Variants in CRADD observed in about 807,000 individuals in gnomAD.
The protein encoded by CRADD is CARD and death domain containing adaptor protein.
CRADD carries 9 observed loss-of-function variants against 15.5 expected under a neutral mutation model. The ratio of observed to expected loss-of-function variants is 0.58; its 90% CI spans 0.35 to 1.01. The LOEUF is 1.01. CRADD is among the 50% of genes least tolerant of loss of function. The pLI is 0.02. For missense variants in CRADD, 227 were observed against 250.3 expected, an observed-to-expected ratio of 0.91 and a Z score of 0.63; for synonymous variants, 118 against 107.6, an observed-to-expected ratio of 1.10 and a Z score of -0.60.
chr12:93,679,562 G>A (rs959643774), intron 2 of CRADD, among the ~76,000 whole-genome samples: 1 of 152,208 alleles, frequency 6.6e-6, no homozygotes, highest in Non-Finnish European at 1.5e-5. Context: ...GGATCAGGAG[G>A]TGGCATTAGG....
chr12:93,807,981 C>CAAAAAAAA lies in CRADD; in HGVS notation c.299-41976_299-41969dup, dbSNP rs368104878. The stretch of plus-strand genomic sequence containing the variant: ...ATGTTAGAAGATGGTAAGTGTTATG[C>CAAAAAAAA]AAAAAAAAAAAAAAAAAAAAGTATA... On this transcript the variant is annotated intron_variant, in intron 2 of 2. Coordinates refer to ENST00000332896, the MANE Select transcript of CRADD (RefSeq NM_003805.5). Among the ~76,000 whole-genome samples, 20 of 67,728 alleles carry CAAAAAAAA rather than the reference C, an allele frequency of 3.0e-4. 2 individuals are homozygous for CAAAAAAAA. Among genetic ancestry groups the CAAAAAAAA allele is most frequent in the African/African-American group, 5.9e-4 (10 of 17,064 alleles). 44.4% of individuals were successfully genotyped at this position (67,728 alleles called of 152,430 possible).
intron 2 of CRADD, among the ~76,000 whole-genome samples, chr12:93,814,468 G>A (rs908762306): frequency 6.6e-6 from 1 of 152,172 alleles, no homozygotes; most frequent in Non-Finnish European, 1.5e-5. Context: ...TAACTTGTTC[G>A]AGGGATCTAA....
chr12:93,773,706 C>T (rs2131725), intron 2 of CRADD, among the ~76,000 whole-genome samples: 27 of 151,372 alleles, frequency 1.8e-4, no homozygotes, highest in Non-Finnish European at 3.7e-4. Flanking sequence ...TGGCAGGAGA[C>T]GGGAGAGAGT....
intron 2 of CRADD, among the ~76,000 whole-genome samples, chr12:93,886,706 CAA>C (rs1485872991): frequency 6.6e-6 from 1 of 152,164 alleles, no homozygotes; most frequent in African/African-American, 2.4e-5. Flanking sequence ...GGAACGAAAA[CAA>C]ACAATCCTAT....
chr12:93,713,521 G>GTATA (rs1956110733), intron 2 of CRADD, among the ~76,000 whole-genome samples: 2 of 151,986 alleles, frequency 1.3e-5, no homozygotes, highest in South Asian at 4.2e-4. Context: ...TCTACATACA[G>GTATA]CCTCCTGTAT....
intron 2 of CRADD, among the ~76,000 whole-genome samples, 170 bp downstream of exon 2, chr12:93,679,242 A>G (rs915636949): frequency 2.0e-5 from 3 of 152,150 alleles, no homozygotes; most frequent in African/African-American, 7.2e-5. Context: ...CCTGGGTTCA[A>G]GCAATTCACT....
Position 93,700,773 on chromosome 12 carries a change from T to G in CRADD, c.298+21701T>G, listed in dbSNP as rs372094178. Reference sequence around the variant, plus strand: ...GCTGTGCTGTTGGGTTTTGTTTGTTTGATTTTTGTTTTGCCTGAGTGTCTT... The same window carrying G: ...GCTGTGCTGTTGGGTTTTGTTTGTTGGATTTTTGTTTTGCCTGAGTGTCTT... On this transcript the variant is annotated intron_variant, in intron 2 of 2. Transcript: ENST00000332896. Among the ~76,000 whole-genome samples, 7 of 152,240 alleles carry G rather than the reference T, an allele frequency of 4.6e-5. No homozygotes were observed. The South Asian group carries it at 6.2e-4, about 14-fold the overall frequency.
intron 2 of CRADD, among the ~76,000 whole-genome samples, chr12:93,865,249 C>G (rs1373818538): frequency 6.6e-6 from 1 of 152,164 alleles, no homozygotes; most frequent in Non-Finnish European, 1.5e-5. Context: ...CTCCCCCAAC[C>G]CCTGCCTAGT....
chr12:93,736,253 C>A (rs902301806), intron 2 of CRADD, among the ~76,000 whole-genome samples: 4 of 152,112 alleles, frequency 2.6e-5, no homozygotes, highest in Admixed American at 2.0e-4. Context: ...TCAAAGCAAG[C>A]ATGATGCTGG....
At chr12:93,829,821 T>C (rs1033385714) in intron 2 of CRADD, among the ~76,000 whole-genome samples, 3 of 152,066 alleles carry the variant, frequency 2.0e-5, no homozygotes, top group African/African-American at 7.2e-5. Context: ...GGCTCCTGAG[T>C]AGCTGGGATT....
intron 2 of CRADD, among the ~76,000 whole-genome samples, chr12:93,857,116 C>A (rs1339235029): frequency 2.0e-5 from 3 of 150,304 alleles, no homozygotes; most frequent in Non-Finnish European, 4.4e-5. Flanking sequence ...CTATGAAATC[C>A]AGGTTTGAGC....
intron 2 of CRADD, among the ~76,000 whole-genome samples, chr12:93,842,226 G>A (rs1958057526): frequency 6.6e-6 from 1 of 152,164 alleles, no homozygotes; most frequent in Admixed American, 6.5e-5. Context: ...AATGCAAGGT[G>A]AAAACAGGAG....
chr12:93,779,925 C>T (rs950054529), intron 2 of CRADD, among the ~76,000 whole-genome samples: 1 of 152,066 alleles, frequency 6.6e-6, no homozygotes, highest in African/African-American at 2.4e-5. Flanking sequence ...TTTTGATGGG[C>T]TTGGATATTA....
chr12:93,764,744 T>G (rs1957008068), intron 2 of CRADD, among the ~76,000 whole-genome samples: 1 of 145,136 alleles, frequency 6.9e-6, no homozygotes, highest in South Asian at 2.2e-4. Flanking sequence ...TTTTTTTTTT[T>G]TGTCTACAGG....
intron 2 of CRADD, among the ~76,000 whole-genome samples, chr12:93,702,335 G>A (rs947188578): frequency 6.6e-6 from 1 of 151,710 alleles, no homozygotes; most frequent in African/African-American, 2.4e-5. Context: ...TGAATATAAG[G>A]GAGCTGGCCT....
rs532404030 is a variant in CRADD, at chr12:93,712,962, G to C, written c.298+33890G>C. 2.0e-5 allele frequency among the ~76,000 whole-genome samples: 3 copies of C among 152,248 alleles called. No homozygotes were observed. The South Asian group carries it at 6.2e-4, about 32-fold the overall frequency. The stretch of plus-strand genomic sequence containing the variant: ...ATAAAGACTCCCTGACTTCAGACCA[G>C]TGTTCTCTCTGTTCCAGTAGTGTTT... On this transcript the variant is annotated intron_variant, in intron 2 of 2. Coordinates refer to ENST00000332896, the MANE Select transcript of CRADD (RefSeq NM_003805.5).
intron 2 of CRADD, among the ~76,000 whole-genome samples, chr12:93,844,287 A>G (rs553568066): frequency 8.5e-5 from 13 of 152,284 alleles, no homozygotes; most frequent in African/African-American, 3.1e-4. Context: ...TATATCCTTG[A>G]GAGTTGACAT....
chr12:93,772,621 C>T (rs1957096602), intron 2 of CRADD, among the ~76,000 whole-genome samples: 1 of 152,198 alleles, frequency 6.6e-6, no homozygotes, highest in Non-Finnish European at 1.5e-5. Flanking sequence ...GTTAGATTGA[C>T]TCTTTTAAGG....
intron 2 of CRADD, among the ~76,000 whole-genome samples, chr12:93,773,813 G>GTTTTTTTTTTTT (rs3030268): frequency 2.3e-5 from 2 of 87,550 alleles, no homozygotes; most frequent in Admixed American, 1.7e-4. Context: ...TACTTTGTGA[G>GTTTTTTTTTTTT]TTTTTTTTTT....
Sources: gnomAD v4.1 joint callset for allele counts (sites outside exome capture counted in the v4.1 genomes callset) on GRCh38, gnomAD v4.1.1 for gene constraint, MANE v1.5 for transcripts, NCBI Gene and HGNC (gene_info 2026-07-23, HGNC 2026-07-21) for gene names.